The following MYO3B variants were observed in gnomAD, a reference collection of about 807,000 sequenced individuals.
MYO3B encodes myosin-IIIb.
Under a neutral mutation model 174.6 loss-of-function variants are expected in MYO3B, and 156 were observed. The ratio of observed to expected loss-of-function variants is 0.89; its 90% CI spans 0.78 to 1.02. The LOEUF (loss-of-function observed/expected upper bound fraction) is 1.02. Ranked by LOEUF, MYO3B falls within the 50% of genes least tolerant of loss-of-function variation. The probability of loss-of-function intolerance (pLI) is 0.00; values close to 1 mark genes in which losing one functional copy is unlikely to be tolerated. For missense variants in MYO3B, 1,632 were observed against 1,639.4 expected, an observed-to-expected ratio of 1.00 and a Z score of 0.08; for synonymous variants, 563 against 569.1, an observed-to-expected ratio of 0.99 and a Z score of 0.15.
At chr2:170,311,236 A>G (rs1390012164) in intron 7 of MYO3B, among the ~76,000 whole-genome samples, 1 of 152,140 alleles carries the variant, frequency 6.6e-6, no homozygotes, top group Non-Finnish European at 1.5e-5. Context: ...CATCCCTACC[A>G]GCAATGTATG....
chr2:170,243,290 C>T (rs897362152), intron 7 of MYO3B, among the ~76,000 whole-genome samples: 4 of 152,150 alleles, frequency 2.6e-5, no homozygotes, highest in African/African-American at 7.2e-5. Flanking sequence ...GTTGGTTGGT[C>T]TAGGATAGCC....
chr2:170,236,236 A>G, intron 7 of MYO3B, 100 bp downstream of exon 7: 1 of 1,491,434 alleles, frequency 6.7e-7, no homozygotes, highest in Non-Finnish European at 9.2e-7. Context: ...TCCAAACCTG[A>G]CAAAGCCTGA....
chr2:170,502,756 AGT>A (rs1466542028), intron 28 of MYO3B, among the ~76,000 whole-genome samples: 2 of 152,152 alleles, frequency 1.3e-5, no homozygotes, highest in African/African-American at 2.4e-5. Flanking sequence ...CAGCAGAGAG[AGT>A]GATAGGATTT....
chr2:170,450,849 C>T (rs867242995), intron 23 of MYO3B, among the ~76,000 whole-genome samples: 1 of 152,148 alleles, frequency 6.6e-6, no homozygotes, highest in South Asian at 2.1e-4. Context: ...CACATGGGCC[C>T]AGATTCTGGC....
intron 22 of MYO3B, among the ~76,000 whole-genome samples, chr2:170,423,462 A>G (rs1455233562): frequency 6.6e-6 from 1 of 152,182 alleles, no homozygotes; most frequent in African/African-American, 2.4e-5. Context: ...GTAGCACAGA[A>G]TAATTCTGCA....
intron 1 of MYO3B, among the ~76,000 whole-genome samples, chr2:170,190,662 C>T (rs1374892101): frequency 6.6e-6 from 1 of 152,070 alleles, no homozygotes; most frequent in Non-Finnish European, 1.5e-5. Flanking sequence ...TGACTACAGC[C>T]AATGTTCATT....
intron 28 of MYO3B, among the ~76,000 whole-genome samples, chr2:170,512,090 T>A (rs954723143): frequency 6.6e-6 from 1 of 152,244 alleles, no homozygotes; most frequent in African/African-American, 2.4e-5. Context: ...AGATTTTCTT[T>A]GAACTCAAAG....
chr2:170,362,541 T>A (rs1435751274), intron 8 of MYO3B, among the ~76,000 whole-genome samples: 1 of 152,048 alleles, frequency 6.6e-6, no homozygotes, highest in African/African-American at 2.4e-5. Context: ...CAGCTTCCTG[T>A]TCAAAAGCTC....
At chr2:170,461,824 A>G (rs1336102565) in intron 23 of MYO3B, among the ~76,000 whole-genome samples, 2 of 151,562 alleles carry the variant, frequency 1.3e-5, no homozygotes, top group Admixed American at 1.3e-4. Context: ...AGTTGTGTGT[A>G]TGTATATGTA....
At chr2:170,352,055 C>T (rs549844358) in intron 8 of MYO3B, among the ~76,000 whole-genome samples, 6 of 152,276 alleles carry the variant, frequency 3.9e-5, no homozygotes, top group Non-Finnish European at 7.3e-5. Context: ...CAGGTTCAAG[C>T]GATCCTCTTG....
At chr2:170,461,372 G>T (rs1684268543) in intron 23 of MYO3B, among the ~76,000 whole-genome samples, 2 of 151,102 alleles carry the variant, frequency 1.3e-5, no homozygotes, top group African/African-American at 4.9e-5. Context: ...TACTCAGCAG[G>T]CTGAGGCAGG....
rs12620750 is a variant in MYO3B at position 170,514,075 on chromosome 2, C to T, written c.3371-846C>T. Among the ~76,000 whole-genome samples the T allele has an allele frequency of 1.4e-3, 213 of 152,234 alleles. No homozygotes were observed. In the East Asian group the frequency reaches 0.015, roughly 10 times the overall value. ...GGAGATGGGGACAGGGTTATTGCCT[C>T]GGGGCAGGACCAGAAAAAATCTCCT... On this transcript the variant is annotated intron_variant, in intron 28 of 34. Transcript: ENST00000408978.
At chr2:170,604,141 C>A (rs886073957) in intron 32 of MYO3B, among the ~76,000 whole-genome samples, 1 of 152,178 alleles carries the variant, frequency 6.6e-6, no homozygotes, top group African/African-American at 2.4e-5. Context: ...TGGCACATTT[C>A]TCAGAACATA....
In MYO3B at chr2:170,258,889, G is replaced by A. The variant is rs926789891; in HGVS notation, c.749+22753G>A. Among the ~76,000 whole-genome samples, 5 of 152,150 alleles carry A rather than the reference G, an allele frequency of 3.3e-5. 1 individual carries two copies. Among genetic ancestry groups the A allele is most frequent in the Admixed American group, 1.3e-4 (2 of 15,296 alleles). On this transcript the variant is annotated intron_variant, in intron 7 of 34. Coordinates refer to ENST00000408978, the MANE Select transcript of MYO3B (RefSeq NM_138995.5). Reference sequence around the variant, plus strand: ...TAAAGCTTCAGGATACAAAATTATCGTACAAAAATCAGTAGTATTTCTATA... The same window carrying A: ...TAAAGCTTCAGGATACAAAATTATCATACAAAAATCAGTAGTATTTCTATA...
At chr2:170,555,575 A>C (rs569835595) in intron 32 of MYO3B, among the ~76,000 whole-genome samples, 1 of 152,236 alleles carries the variant, frequency 6.6e-6, no homozygotes, top group South Asian at 2.1e-4. Context: ...TCACTTTAGC[A>C]ATATGTACTT....
chr2:170,329,883 A>C (rs927184689), intron 7 of MYO3B, among the ~76,000 whole-genome samples: 1 of 152,242 alleles, frequency 6.6e-6, no homozygotes, highest in Admixed American at 6.5e-5. Context: ...GGATTTACCA[A>C]TTGTAATCAG....
At chr2:170,651,769 G>T (rs758171591) in intron 33 of MYO3B, 35 bp downstream of exon 33, 12 of 1,558,318 alleles carry the variant, frequency 7.7e-6, no homozygotes, top group Non-Finnish European at 9.7e-6. Flanking sequence ...TGTTTCACTG[G>T]CTTTGTTTCC....
intron 13 of MYO3B, 61 bp downstream of exon 13, chr2:170,386,333 T>C: frequency 7.2e-7 from 1 of 1,380,480 alleles, no homozygotes; most frequent in Non-Finnish European, 1.0e-6. Flanking sequence ...ACTGCATATT[T>C]GATAAATGAT....
chr2:170,461,851 C>T (rs890495802), intron 23 of MYO3B, among the ~76,000 whole-genome samples: 3 of 151,550 alleles, frequency 2.0e-5, no homozygotes, highest in Admixed American at 6.6e-5. Flanking sequence ...TCGGCGGGGC[C>T]GGGGTAGAAG....
Sources: gnomAD v4.1 joint callset for allele counts (sites outside exome capture counted in the v4.1 genomes callset) on GRCh38, gnomAD v4.1.1 for gene constraint, MANE v1.5 for transcripts, NCBI Gene and HGNC (gene_info 2026-07-23, HGNC 2026-07-21) for gene names.